The following HHAT variants were observed in gnomAD, a reference collection of about 807,000 sequenced individuals.
HHAT encodes hedgehog acyltransferase.
Under a neutral mutation model 70.8 loss-of-function variants are expected in HHAT, and 47 were observed. The observed-to-expected ratio is 0.66, with a 90% CI of 0.53 to 0.85. The LOEUF is 0.85. HHAT is among the 40% of genes least tolerant of loss of function. HHAT has a pLI of 0.00. For synonymous variants in HHAT, 228 were observed against 247.6 expected (o/e 0.92, Z 0.74); for missense variants, 609 against 604.8 (o/e 1.01, Z -0.07).
At chr1:210,378,114 C>T (rs188469409) in intron 3 of HHAT, among the ~76,000 whole-genome samples, 14 of 152,244 alleles carry the variant, frequency 9.2e-5, no homozygotes, top group Admixed American at 2.0e-4. Context: ...AATCATTAGC[C>T]TGAGTTCATT....
At chr1:210,474,253 T>C (rs1405702772) in intron 8 of HHAT, among the ~76,000 whole-genome samples, 1 of 152,180 alleles carries the variant, frequency 6.6e-6, no homozygotes, top group East Asian at 1.9e-4. Flanking sequence ...GAATGCATGA[T>C]CCTTCACTAT....
At chr1:210,375,640 T>A (rs1208170475) in intron 3 of HHAT, among the ~76,000 whole-genome samples, 1 of 152,182 alleles carries the variant, frequency 6.6e-6, no homozygotes, top group Non-Finnish European at 1.5e-5. Flanking sequence ...TGTAGGTTTA[T>A]GCTTTTTGCC....
rs1045136791 is a variant in HHAT, at chr1:210,349,851, A to G, written c.91+785A>G. 1.1e-4 allele frequency among the ~76,000 whole-genome samples: 17 copies of G among 151,904 alleles called. No individual in the cohort carries two copies. In the East Asian group the frequency reaches 3.3e-3, roughly 29 times the overall value. The stretch of plus-strand genomic sequence containing the variant: ...TTTTTAGTAGAGACGTGGTTTCACC[A>G]TGTTGGCCAGGCTGATCTCAAACTC... On this transcript the variant is annotated intron_variant, in intron 2 of 11. Transcript: ENST00000261458.
At chr1:210,441,192 G>GT (rs1176065483) in intron 7 of HHAT, among the ~76,000 whole-genome samples, 6 of 152,208 alleles carry the variant, frequency 3.9e-5, no homozygotes, top group African/African-American at 1.2e-4. Flanking sequence ...TGGATGGAGG[G>GT]TAAGGAATGA....
At chr1:210,624,302 C>T (rs1045933821) in intron 11 of HHAT, among the ~76,000 whole-genome samples, 41 of 152,214 alleles carry the variant, frequency 2.7e-4, no homozygotes, top group African/African-American at 8.4e-4. Flanking sequence ...TTGGACTTCT[C>T]AGCTTCCGTA....
intron 9 of HHAT, among the ~76,000 whole-genome samples, chr1:210,518,124 G>A (rs1218027645): frequency 1.3e-5 from 2 of 152,082 alleles, no homozygotes; most frequent in African/African-American, 4.8e-5. Context: ...TAACTATTTG[G>A]TAATATACAA....
chr1:210,374,358 C>G (rs1257218090), intron 3 of HHAT: 1 of 152,174 alleles, frequency 6.6e-6, no homozygotes, highest in Non-Finnish European at 1.5e-5. Flanking sequence ...AGAATTACTG[C>G]CTACAGTTTG....
intron 10 of HHAT, among the ~76,000 whole-genome samples, chr1:210,597,188 A>T (rs1663196619): frequency 6.6e-6 from 1 of 152,186 alleles, no homozygotes. Flanking sequence ...AGACAAATGG[A>T]GTCTGTGTGC....
chr1:210,632,970 G>A (rs905602119), intron 11 of HHAT, among the ~76,000 whole-genome samples: 1 of 152,028 alleles, frequency 6.6e-6, no homozygotes, highest in Non-Finnish European at 1.5e-5. Flanking sequence ...AAGCTGGGAA[G>A]AACAAGGAAG....
intron 8 of HHAT, among the ~76,000 whole-genome samples, chr1:210,495,368 C>T (rs1239349140): frequency 6.6e-6 from 1 of 151,936 alleles, no homozygotes; most frequent in Non-Finnish European, 1.5e-5. Context: ...CACCAGGAAT[C>T]AGAAGGCCTG....
intron 7 of HHAT, among the ~76,000 whole-genome samples, chr1:210,443,166 G>A (rs1276744703): frequency 7.0e-4 from 105 of 150,876 alleles, no homozygotes; most frequent in Middle Eastern, 3.4e-3. Context: ...GATATGTGGC[G>A]TTATTTCTGA....
chr1:210,420,438 A>G (rs2092863836), intron 7 of HHAT, among the ~76,000 whole-genome samples: 1 of 152,142 alleles, frequency 6.6e-6, no homozygotes, highest in Non-Finnish European at 1.5e-5. Flanking sequence ...GCTATTCCAT[A>G]TAATGCCATT....
At chr1:210,590,384 T>G (rs1312519310) in intron 10 of HHAT, 1 of 151,962 alleles carries the variant, frequency 6.6e-6, no homozygotes, top group Non-Finnish European at 1.5e-5. Context: ...CTCAGTAGTA[T>G]TCAGAGTTCT....
chr1:210,640,582 A>C (rs1672787869), intron 11 of HHAT, among the ~76,000 whole-genome samples: 1 of 152,078 alleles, frequency 6.6e-6, no homozygotes, highest in Admixed American at 6.5e-5. Context: ...AGAACACTAA[A>C]TTCCTCACCA....
chr1:210,452,471 T>A (rs1360809118), intron 7 of HHAT, among the ~76,000 whole-genome samples: 1 of 152,234 alleles, frequency 6.6e-6, no homozygotes, highest in Admixed American at 6.5e-5. Context: ...AATTATCAAC[T>A]CCTGGCCAGT....
intron 11 of HHAT, among the ~76,000 whole-genome samples, chr1:210,627,873 T>A (rs1371560573): frequency 6.6e-6 from 1 of 152,200 alleles, no homozygotes; most frequent in Non-Finnish European, 1.5e-5. Context: ...GCTGGAGATT[T>A]GGTCCAAATG....
Position 210,588,088 on chromosome 1 carries a change from C to T in HHAT, c.1234C>T (p.Gln412Ter). ...VRRLVETPCIQDSLARYFSPQ... is the reference protein window; with the variant it reads ...VRRLVETPCI ...GAGGCTGGTGGAGACTCCCTGCATC[C>T]AGGACAGTCTGGTGAGCAGGATCCT... Residue 412 changes from glutamine to a stop codon, truncating the protein, a stop_gained, in exon 10 of 12, where the codon CAG becomes TAG. Coordinates refer to ENST00000261458, the MANE Select transcript of HHAT (RefSeq NM_018194.6). LOFTEE classifies it high-confidence loss of function. The T allele has an allele frequency of 6.2e-7, 1 of 1,605,316 alleles. No individual in the cohort carries two copies.
rs114767300 is a variant in HHAT, at chr1:210,432,893, G to A, written c.856+14568G>A. ...TTTGCAGAAGGCATGTGAGCTTTGGGCCCTGGTGGCAGCCTCTGATTTCCT... is the reference window on the plus strand; with the variant it reads ...TTTGCAGAAGGCATGTGAGCTTTGGACCCTGGTGGCAGCCTCTGATTTCCT... On this transcript the variant is annotated intron_variant, in intron 7 of 11. Transcript: ENST00000261458. Among the ~76,000 whole-genome samples, 429 of 151,838 alleles carry A rather than the reference G, an allele frequency of 2.8e-3. 8 individuals carry two copies. Among genetic ancestry groups the A allele is most frequent in the African/African-American group, 9.7e-3 (401 of 41,166 alleles).
chr1:210,606,399 C>G (rs1017987963), intron 10 of HHAT, among the ~76,000 whole-genome samples: 1 of 151,916 alleles, frequency 6.6e-6, no homozygotes, highest in Non-Finnish European at 1.5e-5. Flanking sequence ...TTTTTTCTTT[C>G]ATTAGTTTAC....
Sources: allele counts gnomAD v4.1 joint callset (sites outside exome capture counted in the v4.1 genomes callset), GRCh38; gene constraint gnomAD v4.1.1; transcripts MANE v1.5; gene names NCBI Gene and HGNC (gene_info 2026-07-23, HGNC 2026-07-21).